The following MARCHF1 variants were observed in gnomAD, a reference collection of about 807,000 sequenced individuals.
MARCHF1 encodes the protein membrane associated ring-CH-type finger 1.
MARCHF1 carries 40 observed loss-of-function variants against 54.2 expected under a neutral mutation model. That is an observed-to-expected ratio of 0.74 (90% CI 0.57 to 0.96). The LOEUF is 0.96. Ranked by LOEUF, MARCHF1 falls within the 40% of genes least tolerant of loss-of-function variation. The pLI, the probability that MARCHF1 is intolerant of heterozygous loss-of-function variation, is 0.00. For missense variants in MARCHF1, 586 were observed against 656.5 expected, an observed-to-expected ratio of 0.89 and a Z score of 1.17; for synonymous variants, 236 against 236.3, an observed-to-expected ratio of 1.00 and a Z score of 0.01.
At chr4:163,908,135 A>G (rs1211254949) in intron 3 of MARCHF1, among the ~76,000 whole-genome samples, 1 of 152,190 alleles carries the variant, frequency 6.6e-6, no homozygotes, top group Non-Finnish European at 1.5e-5. Flanking sequence ...TAATATCCAG[A>G]TAAAGAAGGT....
In MARCHF1 at chr4:163,853,497, C is replaced by G. The variant is rs141283229; in HGVS notation, c.111+524G>C. Among the ~76,000 whole-genome samples, 21 of 152,244 alleles carry G rather than the reference C, an allele frequency of 1.4e-4. No homozygotes were observed. The East Asian group carries it at 3.9e-3, about 28-fold the overall frequency. On this transcript the variant is annotated intron_variant, in intron 4 of 9. Transcript: ENST00000514618. Reference sequence around the variant, plus strand: ...CAGCATTTAAACTTATCGCAGAAAACAAAACATGAAGGAGCACATTCTTGA... The same window carrying G: ...CAGCATTTAAACTTATCGCAGAAAAGAAAACATGAAGGAGCACATTCTTGA...
chr4:164,230,105 T>C (rs113992335), intron 1 of MARCHF1, among the ~76,000 whole-genome samples: 57 of 152,152 alleles, frequency 3.7e-4, no homozygotes, highest in African/African-American at 1.2e-3. Context: ...TTTAAAAACA[T>C]TGATATAAGG....
intron 2 of MARCHF1, among the ~76,000 whole-genome samples, chr4:164,057,016 C>G (rs1329334949): frequency 6.6e-6 from 1 of 152,022 alleles, no homozygotes; most frequent in Non-Finnish European, 1.5e-5. Context: ...CCAGGGAGTT[C>G]CTGTCACACC....
intron 5 of MARCHF1, among the ~76,000 whole-genome samples, chr4:163,686,238 T>C (rs769294431): frequency 2.1e-4 from 32 of 152,000 alleles, no homozygotes; most frequent in Admixed American, 4.6e-4. Flanking sequence ...TATCAAATAA[T>C]GTTTTTACCT....
At chr4:163,775,305 C>T (rs970516636) in intron 4 of MARCHF1, among the ~76,000 whole-genome samples, 1 of 152,188 alleles carries the variant, frequency 6.6e-6, no homozygotes, top group Admixed American at 6.5e-5. Flanking sequence ...TCATTCTCCC[C>T]TAATATTGTA....
chr4:164,371,386 A>G (rs142937090), intron 1 of MARCHF1, among the ~76,000 whole-genome samples: 55 of 152,356 alleles, frequency 3.6e-4, no homozygotes, highest in African/African-American at 1.3e-3. Flanking sequence ...GTAAAGGAAA[A>G]GAATGATAAA....
chr4:163,874,568 G>A (rs1401161295), intron 3 of MARCHF1, among the ~76,000 whole-genome samples: 2 of 152,036 alleles, frequency 1.3e-5, no homozygotes, highest in Admixed American at 6.6e-5. Context: ...CGTAGCAAGA[G>A]AAAATCAAGC....
chr4:164,195,027 A>G, intron 1 of MARCHF1, among the ~76,000 whole-genome samples: 1 of 145,996 alleles, frequency 6.8e-6, no homozygotes, highest in Non-Finnish European at 1.5e-5. Context: ...GTATGTTCTC[A>G]TTTTTCAACT....
At chr4:163,700,524 AGAAAGAAGGAAGGAAG>A (rs1411841523) in intron 5 of MARCHF1, among the ~76,000 whole-genome samples, 2 of 124,920 alleles carry the variant, frequency 1.6e-5, no homozygotes, top group African/African-American at 2.9e-5. Context: ...ATAGAAAGAA[AGAAAGAAGGAAGGAAG>A]GAAGGAAGGA....
At chr4:163,618,743 T>C (rs559454065) in intron 5 of MARCHF1, among the ~76,000 whole-genome samples, 5 of 152,302 alleles carry the variant, frequency 3.3e-5, no homozygotes, top group African/African-American at 9.6e-5. Flanking sequence ...TATTACATGA[T>C]AGATAATATG....
At chr4:164,369,366 T>C (rs2110951465) in intron 1 of MARCHF1, among the ~76,000 whole-genome samples, 1 of 152,290 alleles carries the variant, frequency 6.6e-6, no homozygotes, top group East Asian at 1.9e-4. Context: ...ATTTGAAAAT[T>C]GGACACCATG....
intron 4 of MARCHF1, among the ~76,000 whole-genome samples, chr4:163,756,283 T>A (rs1359041216): frequency 6.6e-6 from 1 of 152,024 alleles, no homozygotes; most frequent in African/African-American, 2.4e-5. Context: ...CAGGGCACTA[T>A]CTACTACACC....
chr4:164,183,293 C>T (rs563151706), intron 1 of MARCHF1, among the ~76,000 whole-genome samples: 19 of 152,246 alleles, frequency 1.2e-4, no homozygotes, highest in African/African-American at 4.6e-4. Flanking sequence ...TATCTTTTAA[C>T]TTTCCCAATG....
At chr4:164,292,926 T>C (rs1357885317) in intron 1 of MARCHF1, among the ~76,000 whole-genome samples, 1 of 152,144 alleles carries the variant, frequency 6.6e-6, no homozygotes, top group Non-Finnish European at 1.5e-5. Context: ...CTACTAATGC[T>C]ATAAATTTCA....
chr4:163,850,239 G>C (rs1749606060), intron 4 of MARCHF1, among the ~76,000 whole-genome samples: 1 of 152,176 alleles, frequency 6.6e-6, no homozygotes, highest in Admixed American at 6.5e-5. Flanking sequence ...TCAGGGGTCT[G>C]GGTCCTAGAT....
intron 4 of MARCHF1, among the ~76,000 whole-genome samples, chr4:163,788,891 C>T (rs111810497): frequency 0.021 from 3,143 of 152,116 alleles, 65 homozygotes; most frequent in African/African-American, 0.05. Flanking sequence ...ATGCTAGAAG[C>T]ATCACATGAT....
At chr4:164,329,892 A>C (rs1436091529) in intron 1 of MARCHF1, 4 of 152,272 alleles carry the variant, frequency 2.6e-5, no homozygotes, top group African/African-American at 7.2e-5. Context: ...CACCTCCAAC[A>C]ATAGGGATTA....
At chr4:163,753,191 T>A (rs1410387160) in intron 4 of MARCHF1, among the ~76,000 whole-genome samples, 1 of 152,140 alleles carries the variant, frequency 6.6e-6, no homozygotes. Flanking sequence ...TTTAAAAATT[T>A]CAAATTTAGC....
chr4:163,731,741 T>C (rs1579237253), intron 4 of MARCHF1, among the ~76,000 whole-genome samples: 1 of 152,334 alleles, frequency 6.6e-6, no homozygotes, highest in African/African-American at 2.4e-5. Flanking sequence ...ACACATTGTC[T>C]AGATATCACA....
Sources: allele counts gnomAD v4.1 joint callset (sites outside exome capture counted in the v4.1 genomes callset), GRCh38; gene constraint gnomAD v4.1.1; transcripts MANE v1.5; gene names NCBI Gene and HGNC (gene_info 2026-07-23, HGNC 2026-07-21).